The following CHAF1A variants were observed in gnomAD, a reference collection of about 807,000 sequenced individuals.
CHAF1A encodes the protein CAF-1 subunit A.
Under a neutral mutation model 93.2 loss-of-function variants are expected in CHAF1A, and 5 were observed. The observed-to-expected ratio is 0.05, with a 90% confidence interval of 0.03 to 0.11. CHAF1A has a LOEUF of 0.11. Among genes scored for constraint, CHAF1A ranks in the 10% least tolerant of loss-of-function variants. The probability of loss-of-function intolerance (pLI) is 1.00; values close to 1 mark genes in which losing one functional copy is unlikely to be tolerated. For missense variants in CHAF1A, 1,102 were observed against 1,259.9 expected, an observed-to-expected ratio of 0.87 and a Z score of 1.90; for synonymous variants, 504 against 510.3, an observed-to-expected ratio of 0.99 and a Z score of 0.17.
At position 4,422,074 on chromosome 19, in the gene CHAF1A, G is replaced by A. The variant is rs1041586624; in HGVS notation, c.1018-492G>A. On this transcript the variant is annotated intron_variant, in intron 4 of 14. Transcript: ENST00000301280. This position sits in a 1 kb window ranked among gnomAD's most constrained non-coding sequence, Gnocchi z 4.6. ...ACTGATGCTGGAGTGCAGTGGCACC[G>A]TGTTGGCTCACTGCAACCTCCGTCT... Among the ~76,000 whole-genome samples, 3 of 151,124 alleles carry A rather than the reference G, an allele frequency of 2.0e-5. No homozygotes were observed. Among genetic ancestry groups the A allele is most frequent in the African/African-American group, 4.9e-5 (2 of 41,056 alleles).
Position 4,409,489 on chromosome 19 carries a change from C to T in CHAF1A, c.690C>T (p.Gly230=), listed in dbSNP as rs1973750286. 6.2e-7 allele frequency: 1 copy of T among 1,614,052 alleles called. No individual in the cohort carries two copies. The highest frequency in any genetic ancestry group is 8.5e-7 in the Non-Finnish European group (1 of 1,179,986). ...AGGACAGTTGGAGTGAAGCTGGGGG[C>T]ATCCTGTTCAAAGGGAAGGTGCCTA... ...KEQDSWSEAG[G]ILFKGKVPMV... is the part of the protein sequence containing the mutation. The change falls in exon 3 of 15, where the codon GGC becomes GGT. Residue 230 remains glycine, a synonymous_variant. Coordinates refer to ENST00000301280, the MANE Select transcript of CHAF1A (RefSeq NM_005483.3).
chr19:4,402,902 C>T, intron 1 of CHAF1A, 88 bp downstream of exon 1: 2 of 839,116 alleles, frequency 2.4e-6, no homozygotes, highest in East Asian at 3.9e-5. Flanking sequence ...GACGGGCCTC[C>T]GGGCGCCAAG....
At chr19:4,437,543 G>T (rs973511947) in intron 13 of CHAF1A, among the ~76,000 whole-genome samples, 2 of 152,050 alleles carry the variant, frequency 1.3e-5, no homozygotes, top group Non-Finnish European at 2.9e-5. Flanking sequence ...TAGAGACAGG[G>T]TCTATGTTGC....
At chr19:4,449,642 T>C (rs899347649), downstream of CHAF1A, 4 of 152,276 alleles carry the variant, frequency 2.6e-5, no homozygotes, top group Admixed American at 1.3e-4. Context: ...TTTGGGCGAC[T>C]GGCTGCCAGG....
chr19:4,439,960 T>C (rs1328031158), intron 13 of CHAF1A, among the ~76,000 whole-genome samples: 1 of 151,972 alleles, frequency 6.6e-6, no homozygotes, highest in Non-Finnish European at 1.5e-5. Context: ...CAGCCTGGGC[T>C]CCCAGCCACT....
chr19:4,437,877 C>T (rs1184102025), intron 13 of CHAF1A, among the ~76,000 whole-genome samples: 2 of 152,086 alleles, frequency 1.3e-5, no homozygotes, highest in Non-Finnish European at 1.5e-5. Context: ...GTAGGTGGGA[C>T]TACAGGCGCC....
At chr19:4,435,559 AG>A (rs1974269021) in intron 13 of CHAF1A, among the ~76,000 whole-genome samples, 1 of 152,096 alleles carries the variant, frequency 6.6e-6, no homozygotes, top group Admixed American at 6.6e-5. Flanking sequence ...CTGTAGAAAC[AG>A]GGTTTCACCA....
intron 4 of CHAF1A, among the ~76,000 whole-genome samples, chr19:4,420,533 G>A (rs1415887223): frequency 6.6e-6 from 1 of 152,142 alleles, no homozygotes; most frequent in Admixed American, 6.5e-5. Flanking sequence ...GGGAGCCTGC[G>A]CCTGGCTGAG....
chr19:4,429,047 C>T, intron 8 of CHAF1A, 157 bp downstream of exon 8: 3 of 623,478 alleles, frequency 4.8e-6, no homozygotes, highest in South Asian at 4.0e-5. Flanking sequence ...GGCCTCTCTC[C>T]ACCTGGCCTT....
intron 12 of CHAF1A, among the ~76,000 whole-genome samples, chr19:4,432,597 C>T (rs1416444644): frequency 3.3e-5 from 5 of 151,882 alleles, no homozygotes; most frequent in Non-Finnish European, 1.5e-5. Flanking sequence ...CCCATCTCTG[C>T]AGAAAATGCA....
At chr19:4,413,475 C>T (rs1599642021) in intron 3 of CHAF1A, among the ~76,000 whole-genome samples, 1 of 152,190 alleles carries the variant, frequency 6.6e-6, no homozygotes, top group East Asian at 1.9e-4. Flanking sequence ...CACTTTACCT[C>T]CCTACCAGCA....
chr19:4,412,927 C>T (rs1293249581), intron 3 of CHAF1A, among the ~76,000 whole-genome samples: 1 of 152,340 alleles, frequency 6.6e-6, no homozygotes, highest in South Asian at 2.1e-4. Context: ...CGGGAGGCCT[C>T]CTCATGCCCT....
In CHAF1A at chr19:4,422,529, G is replaced by T; in HGVS notation, c.1018-37G>T. The T allele has an allele frequency of 6.5e-7, 1 of 1,541,258 alleles. No individual in the cohort carries two copies. Among genetic ancestry groups the T allele is most frequent in the South Asian group, 1.2e-5 (1 of 83,592 alleles). On this transcript the variant is annotated intron_variant, in intron 4 of 14. Transcript: ENST00000301280. This position sits in a 1 kb window ranked among gnomAD's most constrained non-coding sequence, Gnocchi z 4.6. ...ACCGAGCTTCCTCCTGGGAGTTGGA[G>T]GGAGGGCCACCTGTCACTTGCCACA...
Position 4,402,658 on chromosome 19 carries a change from C to T in CHAF1A, c.-105C>T. On this transcript the variant is annotated 5_prime_UTR_variant, in exon 1 of 15. Transcript: ENST00000301280. ...TTCCCGCCAAATACGAGCGCGGCGG[C>T]CGCGGCGGCAGCAGCGGCGCGGGCG... 1 of 736,392 alleles carries T rather than the reference C, an allele frequency of 1.4e-6. No individual in the cohort carries two copies. Among genetic ancestry groups the T allele is most frequent in the South Asian group, 6.6e-5 (1 of 15,222 alleles). 45.6% of individuals were successfully genotyped at this position (736,392 alleles called of 1,614,324 possible).
chr19:4,448,732 C>A, downstream of CHAF1A: 1 of 370,886 alleles, frequency 2.7e-6, no homozygotes, highest in South Asian at 2.8e-5. Context: ...TAGAACTCGA[C>A]CTCAGTGCTG....
chr19:4,431,755 C>G (rs1291489442), intron 11 of CHAF1A, among the ~76,000 whole-genome samples, 197 bp from the exon 12 acceptor site: 3 of 152,118 alleles, frequency 2.0e-5, no homozygotes, highest in Admixed American at 2.0e-4. Flanking sequence ...CAAAGGAGAC[C>G]AGGTGTGAAT....
At chr19:4,446,422 G>C (rs752766527), downstream of CHAF1A, 2 of 1,577,084 alleles carry the variant, frequency 1.3e-6, no homozygotes, top group South Asian at 2.3e-5. Flanking sequence ...ACCTGCACAC[G>C]CGGGCCAGGT....
At chr19:4,423,068 A>C (rs1974018948) in intron 5 of CHAF1A, among the ~76,000 whole-genome samples, 1 of 152,164 alleles carries the variant, frequency 6.6e-6, no homozygotes, top group South Asian at 2.1e-4. Flanking sequence ...AGGCATTTGC[A>C]TTGCAGGATT....
At chr19:4,410,724 G>A (rs1483852349) in intron 3 of CHAF1A, among the ~76,000 whole-genome samples, 1 of 152,174 alleles carries the variant, frequency 6.6e-6, no homozygotes, top group East Asian at 1.9e-4. Context: ...GGTGGCACAT[G>A]CCTGTAGTCC....
Sources: gnomAD v4.1 joint callset for allele counts (sites outside exome capture counted in the v4.1 genomes callset) on GRCh38, gnomAD v4.1.1 for gene constraint, Gnocchi (gnomAD v3.1) non-coding constraint, MANE v1.5 for transcripts, NCBI Gene and HGNC (gene_info 2026-07-23, HGNC 2026-07-21) for gene names.